The following ENDOV variants were observed in gnomAD, a reference collection of about 807,000 sequenced individuals.
ENDOV encodes hEndoV.
In ENDOV, 37 loss-of-function variants were observed where a neutral mutation model predicts 39.4. The observed-to-expected ratio is 0.94, with a 90% confidence interval of 0.72 to 1.23. The LOEUF is 1.23. ENDOV is among the 50% of genes most tolerant of loss of function. The pLI, the probability that ENDOV is intolerant of heterozygous loss-of-function variation, is 0.00. For synonymous variants in ENDOV, 186 were observed against 163.4 expected, an observed-to-expected ratio of 1.14 and a Z score of -1.05; for missense variants, 441 against 375.7, an observed-to-expected ratio of 1.17 and a Z score of -1.44.
At position 80,425,073 on chromosome 17, in the gene ENDOV, G is replaced by T. The variant is rs2082522275; in HGVS notation, c.558G>T (p.Leu186=). The T allele has an allele frequency of 6.2e-7, 1 of 1,611,224 alleles. No individual in the cohort carries two copies. Among genetic ancestry groups the T allele is most frequent in the East Asian group, 2.2e-5 (1 of 44,812 alleles). Residue 186 remains leucine (L), a synonymous_variant, in exon 6 of 10, where the codon CTG becomes CTT. Transcript: ENST00000518137. ...CTCGAGGAGACTCATTCCCTCTGCT[G>T]GGAGACTCTGGGACTGTCCTGGGAA... The part of the protein sequence containing the change: ...LQTRGDSFPL[L]GDSGTVLGMA...
At chr17:80,427,288 G>C (rs549262295) in intron 7 of ENDOV, 3 of 320,432 alleles carry the variant, frequency 9.4e-6, no homozygotes, top group African/African-American at 6.7e-5. Flanking sequence ...CTGTCCCCCA[G>C]GCCTTCAGCC....
chr17:80,430,711 G>A (rs941101520), intron 9 of ENDOV, among the ~76,000 whole-genome samples: 1 of 152,226 alleles, frequency 6.6e-6, no homozygotes, highest in Non-Finnish European at 1.5e-5. Flanking sequence ...GTGCCTGAGG[G>A]GTTGGGTGCC....
intron 7 of ENDOV, chr17:80,427,426 T>A (rs1380343812): frequency 1.0e-6 from 1 of 985,300 alleles, no homozygotes; most frequent in Non-Finnish European, 1.2e-6. Context: ...ACACCTGGCC[T>A]GTGAGTACCT....
In ENDOV at chr17:80,425,525, C is replaced by T. The variant is rs1183725021; in HGVS notation, c.619C>T (p.Leu207Phe). The T allele has an allele frequency of 3.1e-6, 5 of 1,597,536 alleles. No individual in the cohort carries two copies. In the Admixed American group the frequency reaches 6.8e-5, roughly 22 times the overall value. The change falls in exon 7 of 10, where the codon CTC becomes TTC. Residue 207 changes from leucine (L) to phenylalanine (F), a missense_variant. Transcript: ENST00000518137. ...LRSHDRSTRP[L>F]YISVGHRMSL... Reference sequence around the variant, plus strand: ...GAGCCACGACCGCAGCACCAGGCCCCTCTACATCTCCGTGGGCCACAGGAT... The same window carrying T: ...GAGCCACGACCGCAGCACCAGGCCCTTCTACATCTCCGTGGGCCACAGGAT...
intron 7 of ENDOV, among the ~76,000 whole-genome samples, chr17:80,426,373 G>A (rs1469304903): frequency 2.6e-5 from 4 of 152,334 alleles, no homozygotes; most frequent in South Asian, 4.1e-4. Flanking sequence ...TGGGGGGCCC[G>A]GAGGGTGGCT....
At chr17:80,427,629 C>T (rs751541466) in intron 7 of ENDOV, 106 of 1,180,522 alleles carry the variant, frequency 9.0e-5, no homozygotes, top group Middle Eastern at 2.4e-4. Flanking sequence ...CTCTGTCTCT[C>T]GGTCCATTTT....
At chr17:80,429,714 AG>A in intron 8 of ENDOV, 58 bp from the exon 9 acceptor site, 1 of 1,507,618 alleles carries the variant, frequency 6.6e-7, no homozygotes, top group Non-Finnish European at 9.0e-7. Context: ...CTGGGGTGTG[AG>A]GGGGTGTCAG....
intron 9 of ENDOV, among the ~76,000 whole-genome samples, chr17:80,432,697 G>A (rs1048290138): frequency 6.6e-6 from 1 of 152,136 alleles, no homozygotes; most frequent in African/African-American, 2.4e-5. Context: ...TCCTCAGGCA[G>A]GGAGTGGACA....
chr17:80,433,622 CCCA>C (rs1195903307), intron 9 of ENDOV, among the ~76,000 whole-genome samples: 1 of 152,224 alleles, frequency 6.6e-6, no homozygotes, highest in Non-Finnish European at 1.5e-5. Flanking sequence ...AGAAGAAATG[CCCA>C]CAACTGCCTG....
chr17:80,428,241 C>T (rs988352259), intron 7 of ENDOV, among the ~76,000 whole-genome samples: 1 of 152,226 alleles, frequency 6.6e-6, no homozygotes, highest in African/African-American at 2.4e-5. Context: ...GCAGAGCCTA[C>T]AGGGAAGCAC....
rs2080903945 is a variant in ENDOV, at chr17:80,415,174, A to C, written c.-21A>C. 1 of 1,610,976 alleles carries C rather than the reference A, an allele frequency of 6.2e-7. No individual in the cohort carries two copies. The highest frequency in any genetic ancestry group is 1.1e-5 in the South Asian group (1 of 90,796). On this transcript the variant is annotated 5_prime_UTR_variant, in exon 1 of 10. Coordinates refer to ENST00000518137, the MANE Select transcript of ENDOV (RefSeq NM_173627.5). ...GTCGCTTCCGGAAGTGACGTGCGGA[A>C]GGGGTGCCCGGGACGAAGCCATGGC...
intron 2 of ENDOV, 179 bp downstream of exon 2, chr17:80,416,000 G>T (rs1368303684): frequency 4.4e-6 from 3 of 680,908 alleles, no homozygotes; most frequent in Non-Finnish European, 7.0e-6. Context: ...CACTTTGGGA[G>T]GCTGAGGCGG....
chr17:80,421,850 T>C lies in ENDOV; in HGVS notation c.251T>C (p.Met84Thr). Residue 84 changes from methionine (M) to threonine (T), a missense_variant, in exon 3 of 10, where the codon ATG (methionine) becomes ACG (threonine). Physicochemically the swap from Met to Thr is moderately conservative, Grantham distance 81. Transcript: ENST00000518137. ...ELEVVYEESR[M>T]VSLTAPYVSG... The stretch of plus-strand genomic sequence containing the variant: ...CAGGTGGTGTATGAGGAGAGCCGCA[T>C]GGTCAGCCTCACAGCCCCCTACGTG... The C allele has an allele frequency of 6.2e-7, 1 of 1,601,850 alleles. No homozygotes were observed. The highest frequency in any genetic ancestry group is 8.5e-7 in the Non-Finnish European group (1 of 1,174,750).
chr17:80,423,532 C>T lies in ENDOV; in HGVS notation c.416C>T (p.Ala139Val), dbSNP rs2082322529. Reference sequence around the variant, plus strand: ...TTCTCTCTGGCAGGCTTTGGGGTGGCCTGCCACCTTGGCGTCCTTACAGAC... The same window carrying T: ...TTCTCTCTGGCAGGCTTTGGGGTGGTCTGCCACCTTGGCGTCCTTACAGAC... ...GVLHHRGFGV[A>V]CHLGVLTDLP... The change falls in exon 5 of 10, where the codon GCC becomes GTC. Residue 139 changes from alanine to valine, a missense_variant. By Grantham distance (64) the Ala-to-Val change is moderately conservative (BLOSUM62 0). Coordinates refer to ENST00000518137, the MANE Select transcript of ENDOV (RefSeq NM_173627.5). The T allele has an allele frequency of 1.4e-6, 2 of 1,465,416 alleles. No individual in the cohort carries two copies. The highest frequency in any genetic ancestry group is 1.8e-6 in the Non-Finnish European group (2 of 1,095,242). 90.8% of individuals were successfully genotyped at this position (1,465,416 alleles called of 1,614,324 possible). A position where few individuals can be genotyped will look rare whatever the true frequency, so the allele number is the denominator to read the frequency against.
chr17:80,431,191 A>G (rs963644269), intron 9 of ENDOV, among the ~76,000 whole-genome samples: 3 of 152,196 alleles, frequency 2.0e-5, no homozygotes, highest in Non-Finnish European at 4.4e-5. Flanking sequence ...TGCCCCTTCA[A>G]GAAGGTGCTA....
intron 6 of ENDOV, 168 bp from the exon 7 acceptor site, chr17:80,425,324 G>C (rs1005700016): frequency 3.8e-6 from 4 of 1,062,394 alleles, no homozygotes; most frequent in Non-Finnish European, 5.3e-6. Flanking sequence ...GGGACAAGCA[G>C]CAGGAAGGCG....
rs557592714 is a variant in ENDOV at position 80,436,544 on chromosome 17, G to A, written c.*401G>A. On this transcript the variant is annotated 3_prime_UTR_variant, in exon 10 of 10. Coordinates refer to ENST00000518137, the MANE Select transcript of ENDOV (RefSeq NM_173627.5). Reference sequence around the variant, plus strand: ...TATTGAAAAGATCCTGTGTTCTTCTGTGAATATGAGGTGTTACATTGATTG... The same window carrying A: ...TATTGAAAAGATCCTGTGTTCTTCTATGAATATGAGGTGTTACATTGATTG... 1.8e-5 allele frequency: 7 copies of A among 381,600 alleles called. No homozygotes were observed. In the Admixed American group the frequency reaches 3.0e-4, roughly 16 times the overall value. 23.6% of individuals were successfully genotyped at this position (381,600 alleles called of 1,614,324 possible). A position where few individuals can be genotyped will look rare whatever the true frequency, so the allele number is the denominator to read the frequency against.
rs1308945385 is a variant in ENDOV at position 80,421,903 on chromosome 17, C to A, written c.304C>A (p.Pro102Thr). Residue 102 changes from proline to threonine, a missense_variant, in exon 3 of 10, where the codon CCC becomes ACC. Pro to Thr is a conservative substitution (Grantham distance 38). Transcript: ENST00000518137. Reference protein sequence around the residue: ...VSGFLAFREVPFLLELVQQLR... With the variant: ...VSGFLAFREVTFLLELVQQLR... ...GGGCTTCCTGGCCTTCCGAGAGGTG[C>A]CCTTCTTGCTGGAGCTGGTGCAGCA... The A allele has an allele frequency of 6.2e-7, 1 of 1,610,736 alleles. No individual in the cohort carries two copies.
At chr17:80,430,236 G>A (rs1008057903) in intron 9 of ENDOV, 16 of 1,470,824 alleles carry the variant, frequency 1.1e-5, no homozygotes, top group African/African-American at 9.8e-5. Context: ...CGCATGAGAC[G>A]CTTTCCCGGA....
Sources: allele counts gnomAD v4.1 joint callset (sites outside exome capture counted in the v4.1 genomes callset), GRCh38; gene constraint gnomAD v4.1.1; transcripts MANE v1.5; gene names NCBI Gene and HGNC (gene_info 2026-07-23, HGNC 2026-07-21).